Variants in CDH13 observed in about 807,000 individuals in gnomAD.
CDH13 encodes cadherin 13, also known as cadherin-13.
In CDH13, 24 loss-of-function variants were observed where a neutral mutation model predicts 63.8. That is an observed-to-expected ratio of 0.38 (90% confidence interval 0.27 to 0.53). The LOEUF (loss-of-function observed/expected upper bound fraction) is 0.53, where lower values mean the gene tolerates loss of function less well. Ranked by LOEUF, CDH13 falls within the 20% of genes least tolerant of loss-of-function variation. CDH13 has a pLI of 0.85. For synonymous variants in CDH13, 503 were observed against 355.3 expected, an observed-to-expected ratio of 1.42 and a Z score of -4.67; for missense variants, 1,049 against 903.1, an observed-to-expected ratio of 1.16 and a Z score of -2.07.
chr16:82,951,265 A>G (rs150050072), intron 2 of CDH13, among the ~76,000 whole-genome samples: 124 of 152,236 alleles, frequency 8.1e-4, no homozygotes, highest in African/African-American at 2.7e-3. Flanking sequence ...CCCCATCCCA[A>G]TCTCTGGAGA....
At chr16:83,131,905 GA>G (rs913548687) in intron 4 of CDH13, among the ~76,000 whole-genome samples, 3 of 152,164 alleles carry the variant, frequency 2.0e-5, no homozygotes, top group Non-Finnish European at 4.4e-5. Flanking sequence ...ACTAAATCAT[GA>G]AAACCACTCA....
chr16:83,066,713 G>A (rs67584603), intron 3 of CDH13, among the ~76,000 whole-genome samples: 31,594 of 151,994 alleles, frequency 0.21, 4,198 homozygotes, highest in East Asian at 0.37. Flanking sequence ...GCAAATTCTC[G>A]CCCGGTGTGA....
intron 2 of CDH13, among the ~76,000 whole-genome samples, chr16:82,994,506 C>T (rs904752616): frequency 6.6e-6 from 1 of 152,176 alleles, no homozygotes; most frequent in Non-Finnish European, 1.5e-5. Context: ...TCGTAATCTC[C>T]CAACCTTTAC....
At chr16:83,174,920 G>T (rs933677542) in intron 4 of CDH13, among the ~76,000 whole-genome samples, 1 of 152,066 alleles carries the variant, frequency 6.6e-6, no homozygotes, top group Non-Finnish European at 1.5e-5. Context: ...TCACTATCAT[G>T]AGAACAGCTT....
At chr16:83,493,630 A>T (rs1159022258) in intron 7 of CDH13, among the ~76,000 whole-genome samples, 1 of 152,182 alleles carries the variant, frequency 6.6e-6, no homozygotes, top group Non-Finnish European at 1.5e-5. Context: ...GACTCCAGAG[A>T]TGAGGCTGTG....
At chr16:82,847,682 A>C (rs2039318763) in intron 1 of CDH13, among the ~76,000 whole-genome samples, 1 of 152,130 alleles carries the variant, frequency 6.6e-6, no homozygotes, top group African/African-American at 2.4e-5. Context: ...TAGGGTGAGG[A>C]CATCTTTAGG....
chr16:83,419,647 AT>A (rs2071656047), intron 6 of CDH13, among the ~76,000 whole-genome samples: 1 of 152,192 alleles, frequency 6.6e-6, no homozygotes, highest in Non-Finnish European at 1.5e-5. Flanking sequence ...ACTCAACACC[AT>A]TCTTGATCAG....
In CDH13 at chr16:82,641,507, C is replaced by G. The variant is rs140217118; in HGVS notation, c.45+14370C>G. Among the ~76,000 whole-genome samples the G allele has an allele frequency of 3.0e-4, 46 of 152,298 alleles. 1 individual carries two copies. In the East Asian group the frequency reaches 8.5e-3, roughly 28 times the overall value. ...GGTTAAGCACCCTCCTGCAGATATT[C>G]TCTTTCCCACTAGATGGTACCAGTA... On this transcript the variant is annotated intron_variant, in intron 1 of 13. Coordinates refer to ENST00000567109, the MANE Select transcript of CDH13 (RefSeq NM_001257.5).
At chr16:83,731,033 ACG>A (rs1555521816) in intron 10 of CDH13, among the ~76,000 whole-genome samples, 6 of 151,840 alleles carry the variant, frequency 4.0e-5, no homozygotes, top group Middle Eastern at 3.4e-3. Context: ...CATGGTATAC[ACG>A]CACTGCATTT....
chr16:82,943,816 T>A (rs1862680), intron 2 of CDH13, among the ~76,000 whole-genome samples: 3 of 152,090 alleles, frequency 2.0e-5, no homozygotes, highest in East Asian at 1.9e-4. Flanking sequence ...GACAAAATGC[T>A]ATTAATAATG....
intron 7 of CDH13, among the ~76,000 whole-genome samples, chr16:83,580,572 G>A (rs780722885): frequency 6.8e-6 from 1 of 146,726 alleles, no homozygotes; most frequent in Non-Finnish European, 1.5e-5. Flanking sequence ...TGAGTTTACT[G>A]CAGCCTCAAA....
chr16:82,843,358 A>G (rs2039114087), intron 1 of CDH13, among the ~76,000 whole-genome samples: 1 of 152,226 alleles, frequency 6.6e-6, no homozygotes, highest in African/African-American at 2.4e-5. Flanking sequence ...CTTTTAATTC[A>G]GGATGGTCAA....
At chr16:83,328,299 G>C (rs1335747708) in intron 5 of CDH13, among the ~76,000 whole-genome samples, 1 of 152,172 alleles carries the variant, frequency 6.6e-6, no homozygotes, top group Non-Finnish European at 1.5e-5. Context: ...GAGATTAAAA[G>C]AGAAGCTTCA....
chr16:82,924,639 G>A (rs1366283147), intron 2 of CDH13, among the ~76,000 whole-genome samples: 3 of 152,112 alleles, frequency 2.0e-5, no homozygotes, highest in African/African-American at 2.4e-5. Flanking sequence ...GATAAAGCCC[G>A]GGAGCACTAG....
At chr16:83,346,657 A>C (rs541833191) in intron 6 of CDH13, among the ~76,000 whole-genome samples, 2 of 152,320 alleles carry the variant, frequency 1.3e-5, no homozygotes, top group East Asian at 3.9e-4. Context: ...CCTGTCCTTA[A>C]AGTTTAGAAA....
chr16:82,663,988 T>C (rs8182105), intron 1 of CDH13, among the ~76,000 whole-genome samples: 135,172 of 152,222 alleles, frequency 0.89, 60,225 homozygotes, highest in East Asian at 1. Flanking sequence ...CAGGACTCTT[T>C]TGGCTCCACT....
At chr16:83,177,752 G>T (rs1315131573) in intron 4 of CDH13, among the ~76,000 whole-genome samples, 1 of 152,156 alleles carries the variant, frequency 6.6e-6, no homozygotes, top group African/African-American at 2.4e-5. Context: ...TGCATTAGGA[G>T]AAATGGCTTA....
intron 4 of CDH13, among the ~76,000 whole-genome samples, chr16:83,141,822 C>A (rs1038362994): frequency 1.3e-5 from 2 of 152,180 alleles, no homozygotes; most frequent in Non-Finnish European, 2.9e-5. Context: ...CAGCTTTATC[C>A]ATGTCCCTGC....
At chr16:83,720,736 C>T (rs1056659594) in intron 10 of CDH13, among the ~76,000 whole-genome samples, 7 of 152,226 alleles carry the variant, frequency 4.6e-5, no homozygotes, top group African/African-American at 1.4e-4. Context: ...AAGAGGGAAT[C>T]CGACTCATGA....
Sources: allele counts gnomAD v4.1 joint callset (sites outside exome capture counted in the v4.1 genomes callset), GRCh38; gene constraint gnomAD v4.1.1; transcripts MANE v1.5; gene names NCBI Gene and HGNC (gene_info 2026-07-23, HGNC 2026-07-21).